Variants in MTNR1B observed in about 807,000 individuals in gnomAD.
MTNR1B encodes melatonin receptor 1B, also known as melatonin receptor type 1B.
A neutral mutation model predicts 7.0 loss-of-function variants in MTNR1B; 7 were observed. That is an observed-to-expected ratio of 1.00 (90% CI 0.57 to 1.88). The LOEUF (loss-of-function observed/expected upper bound fraction) is 1.88. Among genes scored for constraint, MTNR1B ranks in the 40% most tolerant of loss-of-function variants. MTNR1B has a pLI of 0.00. For missense variants in MTNR1B, 478 were observed against 486.5 expected (o/e 0.98, Z 0.16); for synonymous variants, 226 against 208.2 (o/e 1.09, Z -0.74).
chr11:92,983,060 C>T (rs1326124804), downstream of MTNR1B, among the ~76,000 whole-genome samples: 1 of 151,496 alleles, frequency 6.6e-6, no homozygotes, highest in Non-Finnish European at 1.5e-5. Flanking sequence ...AGTCTCCTAA[C>T]CTCCCTGTTC....
intron 1 of MTNR1B, among the ~76,000 whole-genome samples, chr11:92,972,032 A>G (rs1378886687): frequency 6.6e-6 from 1 of 152,242 alleles, no homozygotes; most frequent in East Asian, 1.9e-4. Context: ...TTTATTGGTG[A>G]CAGTCACAAA....
downstream of MTNR1B, among the ~76,000 whole-genome samples, chr11:92,983,510 C>T (rs1170935885): frequency 6.9e-6 from 1 of 145,868 alleles, no homozygotes; most frequent in Non-Finnish European, 1.5e-5. Flanking sequence ...GAGAGCAAGA[C>T]CCTGTCTCAG....
downstream of MTNR1B, among the ~76,000 whole-genome samples, chr11:92,982,947 C>CGCCA (rs1554991419): frequency 1.2e-4 from 8 of 66,322 alleles, no homozygotes; most frequent in East Asian, 1.3e-3. Flanking sequence ...CCCCCCCCCC[C>CGCCA]CACACACACA....
chr11:92,973,626 A>G (rs957903335), intron 1 of MTNR1B, among the ~76,000 whole-genome samples: 1 of 152,208 alleles, frequency 6.6e-6, no homozygotes, highest in Non-Finnish European at 1.5e-5. Flanking sequence ...CTGAAGGATT[A>G]TCAATGTTGA....
At chr11:92,984,396 T>C (rs542496372), downstream of MTNR1B, among the ~76,000 whole-genome samples, 2 of 152,258 alleles carry the variant, frequency 1.3e-5, no homozygotes, top group East Asian at 1.9e-4. Flanking sequence ...GCAATGGTAG[T>C]GTGCTCCACC....
Position 92,981,888 on chromosome 11 carries a change from G to T in MTNR1B, c.665G>T (p.Arg222Leu). The change falls in exon 2 of 2, where the codon CGC becomes CTC. Residue 222 changes from arginine (R) to leucine (L), a missense_variant. Physicochemically the swap from Arg to Leu is moderately radical, Grantham distance 102. Coordinates refer to ENST00000257068, the MANE Select transcript of MTNR1B (RefSeq NM_005959.5). ...PIAVVSFCYL[R>L]IWVLVLQARR... ...GCTGTCGTGTCCTTCTGCTACCTGC[G>T]CATCTGGGTGCTGGTGCTTCAGGCC... 6.2e-7 allele frequency: 1 copy of T among 1,614,136 alleles called. No homozygotes were observed. The highest frequency in any genetic ancestry group is 8.5e-7 in the Non-Finnish European group (1 of 1,180,032).
intron 1 of MTNR1B, among the ~76,000 whole-genome samples, chr11:92,971,598 A>G (rs1312555696): frequency 6.6e-6 from 1 of 152,184 alleles, no homozygotes; most frequent in Non-Finnish European, 1.5e-5. Context: ...CCTGGTTCTG[A>G]CATTGGCCCC....
chr11:92,984,254 A>G (rs1858163545), downstream of MTNR1B, among the ~76,000 whole-genome samples: 1 of 152,134 alleles, frequency 6.6e-6, no homozygotes, highest in Non-Finnish European at 1.5e-5. Context: ...GCCACCTGGG[A>G]GCTTGCTTAA....
chr11:92,982,247 G>A lies in MTNR1B; in HGVS notation c.1024G>A (p.Ala342Thr), dbSNP rs763511406. 9 of 1,614,174 alleles carry A rather than the reference G, an allele frequency of 5.6e-6. No individual in the cohort carries two copies. Among genetic ancestry groups the A allele is most frequent in the South Asian group, 1.1e-5 (1 of 91,082 alleles). ...TCAAGATGCTTCCAAGGGCAGCCAC[G>A]CGGAGGGGCTGCAGAGCCCAGCTCC... ...CIQDASKGSH[A>T]EGLQSPAPPI... Residue 342 changes from alanine to threonine, a missense_variant, in exon 2 of 2, where the codon GCG becomes ACG. By Grantham distance (58) the Ala-to-Thr change is moderately conservative. Coordinates refer to ENST00000257068, the MANE Select transcript of MTNR1B (RefSeq NM_005959.5).
chr11:92,981,416 G>T (rs551551378), intron 1 of MTNR1B, 31 bp from the exon 2 acceptor site: 4 of 1,594,644 alleles, frequency 2.5e-6, no homozygotes, highest in Non-Finnish European at 3.4e-6. Context: ...GTGGGGTCTC[G>T]TGCTGACTGT....
At chr11:92,982,818 C>T (rs1203982144), downstream of MTNR1B, 1 of 183,928 alleles carries the variant, frequency 5.4e-6, no homozygotes, top group African/African-American at 2.4e-5. Flanking sequence ...CTTCCCTACA[C>T]ACACACAATC....
At chr11:92,973,443 G>T (rs1320083122) in intron 1 of MTNR1B, among the ~76,000 whole-genome samples, 1 of 152,060 alleles carries the variant, frequency 6.6e-6, no homozygotes, top group South Asian at 2.1e-4. Context: ...CAGCTCCCAC[G>T]GCCATTTGCG....
At chr11:92,981,045 C>G (rs1373103810) in intron 1 of MTNR1B, among the ~76,000 whole-genome samples, 1 of 152,210 alleles carries the variant, frequency 6.6e-6, no homozygotes, top group Admixed American at 6.5e-5. Flanking sequence ...GAAATCCACA[C>G]TCCTGACTTT....
chr11:92,981,665 T>C lies in MTNR1B; in HGVS notation c.442T>C (p.Tyr148His). The C allele has an allele frequency of 1.2e-6, 2 of 1,614,190 alleles. No homozygotes were observed. Among genetic ancestry groups the C allele is most frequent in the Non-Finnish European group, 1.7e-6 (2 of 1,180,032 alleles). ...RYCYICHSMAYHRIYRRWHTP... is the reference protein window; with the variant it reads ...RYCYICHSMAHHRIYRRWHTP... ...CTGCTACATCTGCCACAGCATGGCC[T>C]ACCACCGAATCTACCGGCGCTGGCA... Residue 148 changes from tyrosine (Y) to histidine (H), a missense_variant, in exon 2 of 2, where the codon TAC becomes CAC. Transcript: ENST00000257068.
At chr11:92,975,426 G>A (rs1207710521) in intron 1 of MTNR1B, among the ~76,000 whole-genome samples, 1 of 152,156 alleles carries the variant, frequency 6.6e-6, no homozygotes, top group Non-Finnish European at 1.5e-5. Flanking sequence ...GATTGCCTAG[G>A]AAAACATGGA....
chr11:92,977,172 A>G (rs1031905200), intron 1 of MTNR1B, among the ~76,000 whole-genome samples: 1 of 152,228 alleles, frequency 6.6e-6, no homozygotes, highest in East Asian at 1.9e-4. Flanking sequence ...ATATCTGTGT[A>G]CACTATTGAT....
chr11:92,977,138 T>C (rs183851956), intron 1 of MTNR1B, among the ~76,000 whole-genome samples: 26 of 152,362 alleles, frequency 1.7e-4, no homozygotes, highest in Admixed American at 5.2e-4. Context: ...TTTCTTCTTT[T>C]AAGTGGTTGA....
intron 1 of MTNR1B, 136 bp downstream of exon 1, chr11:92,970,084 C>G: frequency 8.1e-7 from 1 of 1,229,386 alleles, no homozygotes; most frequent in Non-Finnish European, 1.0e-6. Context: ...TAACCTATTC[C>G]TTAAGTTTGA....
chr11:92,978,242 A>G lies in MTNR1B; in HGVS notation c.224-3205A>G, dbSNP rs1342006815. Among the ~76,000 whole-genome samples, 3 of 152,218 alleles carry G rather than the reference A, an allele frequency of 2.0e-5. No individual in the cohort carries two copies. In the East Asian group the frequency reaches 5.8e-4, roughly 29 times the overall value. On this transcript the variant is annotated intron_variant, in intron 1 of 1. Coordinates refer to ENST00000257068, the MANE Select transcript of MTNR1B (RefSeq NM_005959.5). ...TCAGCACTGGCTGGCTCTTTCCTAG[A>G]TTACCAGATCTCCATTAAGAAATAC...
Sources: gnomAD v4.1 joint callset for allele counts (sites outside exome capture counted in the v4.1 genomes callset) on GRCh38, gnomAD v4.1.1 for gene constraint, MANE v1.5 for transcripts, NCBI Gene and HGNC (gene_info 2026-07-23, HGNC 2026-07-21) for gene names.